Variants in DOK6 observed in about 807,000 individuals in gnomAD.
DOK6 encodes downstream of tyrosine kinase 6.
In DOK6, 22 loss-of-function variants were observed where a neutral mutation model predicts 44.0. That is an observed-to-expected ratio of 0.50 (90% CI 0.36 to 0.71). The LOEUF (loss-of-function observed/expected upper bound fraction) is 0.71. Among genes scored for constraint, DOK6 ranks in the 30% least tolerant of loss-of-function variants. The probability of loss-of-function intolerance (pLI) is 0.00; values close to 1 mark genes in which losing one functional copy is unlikely to be tolerated. For synonymous variants in DOK6, 166 were observed against 145.5 expected (o/e 1.14, Z -1.01); for missense variants, 340 against 416.4 (o/e 0.82, Z 1.60).
At chr18:69,720,967 C>T (rs959053707) in intron 5 of DOK6, among the ~76,000 whole-genome samples, 1 of 151,986 alleles carries the variant, frequency 6.6e-6, no homozygotes, top group Non-Finnish European at 1.5e-5. Flanking sequence ...ACAGCCCACC[C>T]AAAAAGGATA....
chr18:69,821,062 T>G (rs1040727552), intron 7 of DOK6, among the ~76,000 whole-genome samples: 1 of 152,170 alleles, frequency 6.6e-6, no homozygotes, highest in Non-Finnish European at 1.5e-5. Context: ...AATTAAATTT[T>G]TAAAAAATAT....
At chr18:69,449,463 C>A (rs1979392589) in intron 1 of DOK6, among the ~76,000 whole-genome samples, 1 of 152,122 alleles carries the variant, frequency 6.6e-6, no homozygotes, top group African/African-American at 2.4e-5. Context: ...AATACCTTAG[C>A]ATTTGAAATA....
intron 3 of DOK6, among the ~76,000 whole-genome samples, chr18:69,612,063 C>T (rs1984154952): frequency 1.3e-5 from 2 of 152,080 alleles, no homozygotes; most frequent in South Asian, 4.1e-4. Flanking sequence ...CAAAATGTTA[C>T]CACTGGGGGA....
intron 2 of DOK6, among the ~76,000 whole-genome samples, chr18:69,567,083 A>G (rs1227667536): frequency 6.6e-6 from 1 of 152,166 alleles, no homozygotes; most frequent in Non-Finnish European, 1.5e-5. Context: ...TTCAAGGCAA[A>G]CTTCATTCCT....
At chr18:69,798,055 G>C (rs142451761) in intron 7 of DOK6, among the ~76,000 whole-genome samples, 274 of 152,238 alleles carry the variant, frequency 1.8e-3, no homozygotes, top group African/African-American at 6.0e-3. Flanking sequence ...GGCAGCAAAA[G>C]TGTGCAACAG....
At position 69,617,925 on chromosome 18, in the gene DOK6, C is replaced by G. The variant is rs74502004; in HGVS notation, c.289+18427C>G. On this transcript the variant is annotated intron_variant, in intron 3 of 7. Coordinates refer to ENST00000382713, the MANE Select transcript of DOK6 (RefSeq NM_152721.6). The stretch of plus-strand genomic sequence containing the variant: ...AGAAGTAAAGTGTTTTAGATGTAAT[C>G]AAGTCAAGATGAGTTTATACCAGTT... 6.3e-3 allele frequency among the ~76,000 whole-genome samples: 956 copies of G among 152,202 alleles called. 10 individuals are homozygous for G. The highest frequency in any genetic ancestry group is 0.022 in the African/African-American group (918 of 41,532).
intron 5 of DOK6, among the ~76,000 whole-genome samples, chr18:69,733,472 G>A (rs1288368712): frequency 1.3e-5 from 2 of 152,122 alleles, no homozygotes; most frequent in Non-Finnish European, 2.9e-5. Flanking sequence ...CAAACATGTG[G>A]AATGATTAAA....
chr18:69,813,966 A>G (rs1981321231), intron 7 of DOK6, among the ~76,000 whole-genome samples: 1 of 152,148 alleles, frequency 6.6e-6, no homozygotes, highest in South Asian at 2.1e-4. Context: ...TAAAAGCAAT[A>G]TACATACATG....
intron 1 of DOK6, among the ~76,000 whole-genome samples, chr18:69,450,881 G>C (rs200259474): frequency 0.19 from 27,776 of 148,368 alleles, 2,884 homozygotes; most frequent in South Asian, 0.3. Flanking sequence ...GTCACCACCA[G>C]GCCTGCCCTA....
intron 4 of DOK6, among the ~76,000 whole-genome samples, chr18:69,687,511 A>T (rs1986178129): frequency 1.3e-5 from 2 of 152,118 alleles, no homozygotes; most frequent in Admixed American, 6.5e-5. Context: ...GTGAAACCCC[A>T]TCTTTACTAA....
intron 5 of DOK6, among the ~76,000 whole-genome samples, chr18:69,702,923 A>G (rs983717644): frequency 6.6e-6 from 1 of 152,242 alleles, no homozygotes; most frequent in Non-Finnish European, 1.5e-5. Flanking sequence ...AATTCACGTT[A>G]AAGTATGTGT....
chr18:69,489,205 T>C (rs1980668567), intron 1 of DOK6, among the ~76,000 whole-genome samples: 1 of 152,200 alleles, frequency 6.6e-6, no homozygotes, highest in East Asian at 1.9e-4. Context: ...GCTTAAATAC[T>C]TGCATAGTTC....
intron 7 of DOK6, among the ~76,000 whole-genome samples, chr18:69,796,465 C>T (rs1265841564): frequency 1.3e-5 from 2 of 152,270 alleles, no homozygotes; most frequent in South Asian, 2.1e-4. Flanking sequence ...TGCCAGCCTT[C>T]TAAGAACATG....
At chr18:69,684,146 T>C (rs1008153778) in intron 4 of DOK6, among the ~76,000 whole-genome samples, 2 of 152,196 alleles carry the variant, frequency 1.3e-5, no homozygotes, top group Admixed American at 6.5e-5. Flanking sequence ...CTTTTATTAT[T>C]TGATTTATAT....
intron 6 of DOK6, among the ~76,000 whole-genome samples, chr18:69,742,139 G>T (rs1978822396): frequency 6.6e-6 from 1 of 152,084 alleles, no homozygotes; most frequent in South Asian, 2.1e-4. Flanking sequence ...CACTGGCCAG[G>T]CACGGTGGCT....
At chr18:69,832,902 A>G (rs753292952) in intron 7 of DOK6, among the ~76,000 whole-genome samples, 35 of 152,318 alleles carry the variant, frequency 2.3e-4, no homozygotes, top group Admixed American at 1.8e-3. Context: ...AATACTGATG[A>G]AAGAAATTGA....
At chr18:69,491,177 A>G (rs966960089) in intron 1 of DOK6, among the ~76,000 whole-genome samples, 4 of 152,256 alleles carry the variant, frequency 2.6e-5, no homozygotes, top group African/African-American at 4.8e-5. Flanking sequence ...ATCTATTAAT[A>G]GTAATAATAA....
chr18:69,418,375 T>A (rs1978395986), intron 1 of DOK6, among the ~76,000 whole-genome samples: 1 of 152,158 alleles, frequency 6.6e-6, no homozygotes, highest in Non-Finnish European at 1.5e-5. Context: ...CTGATAAATT[T>A]TATATTTTCA....
intron 3 of DOK6, among the ~76,000 whole-genome samples, chr18:69,615,045 A>C (rs1400375225): frequency 6.6e-6 from 1 of 152,146 alleles, no homozygotes; most frequent in Non-Finnish European, 1.5e-5. Flanking sequence ...AGCTGATTTA[A>C]TAAATGTAAG....
Sources: allele counts gnomAD v4.1 joint callset (sites outside exome capture counted in the v4.1 genomes callset), GRCh38; gene constraint gnomAD v4.1.1; transcripts MANE v1.5; gene names NCBI Gene and HGNC (gene_info 2026-07-23, HGNC 2026-07-21).